Variants in LITAF observed in about 807,000 individuals in gnomAD.
The protein encoded by LITAF is lipopolysaccharide-induced tumor necrosis factor-alpha factor.
Under a neutral mutation model 14.5 loss-of-function variants are expected in LITAF, and 9 were observed. The ratio of observed to expected loss-of-function variants is 0.62; its 90% CI spans 0.37 to 1.08. The LOEUF is 1.08. Ranked by LOEUF, LITAF falls within the 50% of genes least tolerant of loss-of-function variation. LITAF has a pLI of 0.01. For missense variants in LITAF, 206 were observed against 213.4 expected, an observed-to-expected ratio of 0.97 and a Z score of 0.22; for synonymous variants, 98 against 88.2, an observed-to-expected ratio of 1.11 and a Z score of -0.62.
At chr16:11,587,010 G>C (rs1465407878), upstream of LITAF, 1 of 153,480 alleles carries the variant, frequency 6.5e-6, no homozygotes, top group Non-Finnish European at 1.5e-5. Flanking sequence ...CGGCCGGCTT[G>C]GGCTTCCGGC....
At chr16:11,638,106 A>C (rs536979916), upstream of LITAF, among the ~76,000 whole-genome samples, 1,626 of 72,204 alleles carry the variant, frequency 0.023, 169 homozygotes, top group African/African-American at 0.043. Flanking sequence ...CTATATATAT[A>C]TATCTATCTA....
At position 11,562,847 on chromosome 16, in the gene LITAF, G is replaced by C. The variant is rs539979917; in HGVS notation, c.-5-6112C>G. Among the ~76,000 whole-genome samples, 5 of 151,792 alleles carry C rather than the reference G, an allele frequency of 3.3e-5. No individual in the cohort carries two copies. The South Asian group carries it at 1.0e-3, about 32-fold the overall frequency. On this transcript the variant is annotated intron_variant, in intron 1 of 3. Transcript: ENST00000622633. ...AAGAGTTTGAGACTGCAATAAGCTA[G>C]GATCACGCCACTGCTCTCCAGCCTG... is the stretch of plus-strand genomic sequence containing the variant.
intron 1 of LITAF, among the ~76,000 whole-genome samples, chr16:11,595,274 C>T (rs771842328): frequency 1.3e-5 from 2 of 152,212 alleles, no homozygotes; most frequent in Non-Finnish European, 2.9e-5. Context: ...GGACAGGAGG[C>T]TTGCCTGAGG....
chr16:11,627,837 C>T (rs2065093314), intron 3 of LITAF, among the ~76,000 whole-genome samples: 1 of 151,880 alleles, frequency 6.6e-6, no homozygotes, highest in Non-Finnish European at 1.5e-5. Flanking sequence ...GAGCAAGACT[C>T]AATATCAAAA....
chr16:11,604,891 C>A (rs886230445), intron 3 of LITAF, among the ~76,000 whole-genome samples: 5 of 152,048 alleles, frequency 3.3e-5, no homozygotes, highest in African/African-American at 1.2e-4. Context: ...GAGGCTGGGA[C>A]CCACCCACGC....
rs115538431 is a variant in LITAF, at chr16:11,616,209, C to A, written c.85+17324G>T. ...TGGAATAGTGCTGGACACCGTGGCT[C>A]CCACCTGGAATCCCAATGTTTTGGG... is the stretch of plus-strand genomic sequence containing the variant. On this transcript the variant is annotated intron_variant, in intron 3 of 3. Coordinates refer to the LITAF transcript ENST00000574848. 6.8e-3 allele frequency among the ~76,000 whole-genome samples: 1,029 copies of A among 152,228 alleles called. 4 individuals are homozygous for A. Among genetic ancestry groups the A allele is most frequent in the African/African-American group, 0.023 (962 of 41,530 alleles).
rs903177699 is a variant in LITAF at position 11,632,376 on chromosome 16, T to TGACAGAGACAGGGAGAGG, written c.85+1139_85+1156dup. Among the ~76,000 whole-genome samples, 11 of 149,288 alleles carry TGACAGAGACAGGGAGAGG rather than the reference T, an allele frequency of 7.4e-5. No homozygotes were observed. Among genetic ancestry groups the TGACAGAGACAGGGAGAGG allele is most frequent in the Non-Finnish European group, 1.0e-4 (7 of 67,096 alleles). ...AGAGAAGGTGAAGGAGGCACCGAGA[T>TGACAGAGACAGGGAGAGG]GACAGAGACAGGGAGAGGGACAGAG... On this transcript the variant is annotated intron_variant, in intron 3 of 3. Transcript: ENST00000574848. The surrounding 1 kb of genome is among the most constrained non-coding windows in gnomAD (Gnocchi z 4.8).
chr16:11,600,923 A>G (rs975416736), upstream of LITAF, among the ~76,000 whole-genome samples: 4 of 152,102 alleles, frequency 2.6e-5, no homozygotes, highest in African/African-American at 7.2e-5. The surrounding 1 kb of genome is among the most constrained non-coding windows in gnomAD (Gnocchi z 4.1). Flanking sequence ...ACATGGATAC[A>G]AGCTATAATA....
intron 3 of LITAF, among the ~76,000 whole-genome samples, chr16:11,624,119 T>A (rs528621143): frequency 1.3e-5 from 2 of 152,262 alleles, no homozygotes; most frequent in African/African-American, 4.8e-5. Context: ...ACCCCATTTC[T>A]ACCAAAAATA....
intron 3 of LITAF, among the ~76,000 whole-genome samples, chr16:11,613,240 A>G (rs11075004): frequency 0.51 from 77,318 of 151,860 alleles, 22,067 homozygotes; most frequent in African/African-American, 0.78. Context: ...GGGTTTCACC[A>G]TGTTGACCAG....
chr16:11,632,162 C>T lies in LITAF; in HGVS notation c.85+1371G>A, dbSNP rs780328065. ...GATTACAGGCGTGAGCCACTGCGCC[C>T]GGCCTCGCAAAGAACCTATTTTCAA... is the stretch of plus-strand genomic sequence containing the variant. On this transcript the variant is annotated intron_variant, in intron 3 of 3. Transcript: ENST00000574848. The surrounding 1 kb of genome is among the most constrained non-coding windows in gnomAD (Gnocchi z 4.8). 3.9e-5 allele frequency among the ~76,000 whole-genome samples: 6 copies of T among 152,164 alleles called. No homozygotes were observed. Among genetic ancestry groups the T allele is most frequent in the Non-Finnish European group, 7.4e-5 (5 of 68,018 alleles).
At chr16:11,569,505 G>A (rs1269204979) in intron 1 of LITAF, among the ~76,000 whole-genome samples, 3 of 152,140 alleles carry the variant, frequency 2.0e-5, no homozygotes, top group Non-Finnish European at 2.9e-5. Flanking sequence ...GCCTCTCAAA[G>A]TGCTGGGATT....
chr16:11,640,058 G>A (rs2065158509), upstream of LITAF, among the ~76,000 whole-genome samples: 1 of 152,162 alleles, frequency 6.6e-6, no homozygotes, highest in South Asian at 2.1e-4. Context: ...ACACGTGTGA[G>A]CCACCGCACC....
At chr16:11,594,089 G>A (rs2064866301) in intron 1 of LITAF, among the ~76,000 whole-genome samples, 1 of 151,984 alleles carries the variant, frequency 6.6e-6, no homozygotes, top group African/African-American at 2.4e-5. Flanking sequence ...GGGAGGCTGA[G>A]GTGGAAGGAT....
chr16:11,609,458 C>T (rs2064971074), intron 3 of LITAF, among the ~76,000 whole-genome samples: 1 of 152,170 alleles, frequency 6.6e-6, no homozygotes, highest in African/African-American at 2.4e-5. Context: ...AAGTGATCCA[C>T]CCGTCTCGGC....
At chr16:11,573,720 T>TC (rs1414474256) in intron 1 of LITAF, among the ~76,000 whole-genome samples, 1 of 149,134 alleles carries the variant, frequency 6.7e-6, no homozygotes, top group Non-Finnish European at 1.5e-5. Context: ...TTTTTTTTTT[T>TC]TTTAGGAGTC....
At chr16:11,600,030 C>G (rs557163546), upstream of LITAF, among the ~76,000 whole-genome samples, 12 of 152,266 alleles carry the variant, frequency 7.9e-5, no homozygotes, top group Non-Finnish European at 1.8e-4. This position sits in a 1 kb window ranked among gnomAD's most constrained non-coding sequence, Gnocchi z 4.1. Context: ...AGGTCTCACT[C>G]TGTCTCCCAG....
rs142968932 is a variant in LITAF at position 11,635,330 on chromosome 16, G to A, written c.-21+495C>T. Among the ~76,000 whole-genome samples, 9 of 152,318 alleles carry A rather than the reference G, an allele frequency of 5.9e-5. 1 individual carries two copies. In the East Asian group the frequency reaches 1.5e-3, roughly 26 times the overall value. ...TGTAGATACCAATCAACGCTGGGGC[G>A]ATGTCTGCAACCAGCCCTCCAGCCA... On this transcript the variant is annotated intron_variant, in intron 2 of 3. Transcript: ENST00000574848.
At position 11,553,778 on chromosome 16, in the gene LITAF, G is replaced by T; in HGVS notation, c.221-89C>A. Reference sequence around the variant, plus strand: ...AGGACAAAGAGAGGAACGCAGGGATGCCAGCAAATATTATATTTGTACATT... The same window carrying T: ...AGGACAAAGAGAGGAACGCAGGGATTCCAGCAAATATTATATTTGTACATT... On this transcript the variant is annotated intron_variant, in intron 2 of 3. Coordinates refer to ENST00000622633, the MANE Select transcript of LITAF (RefSeq NM_001136472.2). This position sits in a 1 kb window ranked among gnomAD's most constrained non-coding sequence, Gnocchi z 7.7. The T allele has an allele frequency of 7.1e-7, 1 of 1,409,254 alleles. No homozygotes were observed. Among genetic ancestry groups the T allele is most frequent in the Non-Finnish European group, 1.0e-6 (1 of 1,005,024 alleles). 87.3% of individuals were successfully genotyped at this position (1,409,254 alleles called of 1,614,324 possible).
Sources: allele counts gnomAD v4.1 joint callset (sites outside exome capture counted in the v4.1 genomes callset), GRCh38; gene constraint gnomAD v4.1.1; non-coding constraint Gnocchi (gnomAD v3.1); transcripts MANE v1.5; gene names NCBI Gene and HGNC (gene_info 2026-07-23, HGNC 2026-07-21).